DACH2: variants seen among roughly 807,000 people sequenced by gnomAD.
The protein encoded by DACH2 is dachshund homolog 2.
In DACH2, 17 loss-of-function variants were observed where a neutral mutation model predicts 35.8. That is an observed-to-expected ratio of 0.48 (90% CI 0.33 to 0.71). DACH2 has a LOEUF of 0.71. Among genes scored for constraint, DACH2 ranks in the 30% least tolerant of loss-of-function variants. DACH2 has a pLI of 0.02. For missense variants in DACH2, 469 were observed against 472.7 expected (o/e 0.99, Z 0.07); for synonymous variants, 195 against 177.3 (o/e 1.10, Z -0.79).
At chrX:86,200,530 C>T (rs1298336916) in intron 1 of DACH2, among the ~76,000 whole-genome samples, 2 of 107,027 alleles carry the variant, frequency 1.9e-5, no homozygotes, top group African/African-American at 6.8e-5. Flanking sequence ...AACAATGTGT[C>T]TGACAATTGT....
At chrX:86,574,916 A>C (rs1242026581) in intron 3 of DACH2, among the ~76,000 whole-genome samples, 1 of 111,801 alleles carries the variant, frequency 8.9e-6, no homozygotes, top group Non-Finnish European at 1.9e-5. Context: ...GCTCATGGGC[A>C]TATATGAAAT....
At chrX:86,225,798 C>A (rs780330578) in intron 1 of DACH2, among the ~76,000 whole-genome samples, 51 of 110,985 alleles carry the variant, frequency 4.6e-4, no homozygotes, top group African/African-American at 1.6e-3. Flanking sequence ...TATTGCTTTT[C>A]TTTGAAGGCA....
At chrX:86,452,512 T>C (rs1053049883) in intron 2 of DACH2, among the ~76,000 whole-genome samples, 4 of 111,441 alleles carry the variant, frequency 3.6e-5, no homozygotes, top group Non-Finnish European at 7.5e-5. Flanking sequence ...ACTCGTTATT[T>C]GTCTATGCAG....
At chrX:86,384,343 G>A (rs993801434) in intron 2 of DACH2, among the ~76,000 whole-genome samples, 7 of 111,544 alleles carry the variant, frequency 6.3e-5, no homozygotes, top group African/African-American at 2.3e-4. Context: ...AAATGGAGTT[G>A]ATTCTAAGAC....
At chrX:86,488,266 C>A (rs1474586472) in intron 2 of DACH2, among the ~76,000 whole-genome samples, 1 of 111,419 alleles carries the variant, frequency 9.0e-6, no homozygotes, top group Non-Finnish European at 1.9e-5. Context: ...ATGTGGGTTG[C>A]AATCATGGTT....
At chrX:86,673,117 C>T (rs150114026) in intron 4 of DACH2, among the ~76,000 whole-genome samples, 4,385 of 110,304 alleles carry the variant, frequency 0.04, 222 homozygotes, top group African/African-American at 0.14. Context: ...GGGTGGATCA[C>T]GAGGTCAGGA....
intron 1 of DACH2, among the ~76,000 whole-genome samples, chrX:86,170,490 C>T (rs756009040): frequency 1.8e-5 from 2 of 112,233 alleles, no homozygotes; most frequent in South Asian, 7.5e-4. Context: ...TCAGGTACTA[C>T]AGTCAAAACC....
intron 7 of DACH2, among the ~76,000 whole-genome samples, chrX:86,741,208 T>C (rs780075634): frequency 1.8e-5 from 2 of 111,365 alleles, no homozygotes; most frequent in Non-Finnish European, 3.8e-5. Context: ...CTAGGGAAGG[T>C]TTTAGATTCC....
chrX:86,593,829 CTG>C (rs1360487795), intron 3 of DACH2, among the ~76,000 whole-genome samples: 3 of 110,702 alleles, frequency 2.7e-5, no homozygotes, highest in African/African-American at 9.9e-5. Context: ...ATATTTTTAT[CTG>C]TTTTTTTATT....
At chrX:86,628,485 C>T (rs1040847335) in intron 3 of DACH2, among the ~76,000 whole-genome samples, 6 of 112,250 alleles carry the variant, frequency 5.3e-5, no homozygotes, top group African/African-American at 9.7e-5. Flanking sequence ...ACACTATCCT[C>T]GCTGTTTTCT....
At chrX:86,399,287 G>A (rs1018294410) in intron 2 of DACH2, among the ~76,000 whole-genome samples, 5 of 111,525 alleles carry the variant, frequency 4.5e-5, no homozygotes, top group Non-Finnish European at 9.4e-5. Flanking sequence ...CTGCACATGA[G>A]ATGAGTTTCC....
In DACH2 at chrX:86,610,418, TTTTCTTTC is replaced by T. The variant is rs1158163139; in HGVS notation, c.641-40594_641-40587del. Among the ~76,000 whole-genome samples, 34 of 62,207 alleles carry T rather than the reference TTTTCTTTC, an allele frequency of 5.5e-4. 1 individual carries two copies. Among genetic ancestry groups the T allele is most frequent in the African/African-American group, 2.1e-3 (32 of 15,236 alleles). 54.0% of individuals were successfully genotyped at this position (62,207 alleles called of 115,157 possible). A position where few individuals can be genotyped will look rare whatever the true frequency, so the allele number is the denominator to read the frequency against. On this transcript the variant is annotated intron_variant, in intron 3 of 11. Transcript: ENST00000373125. ...CTTTCTTTCTTTCTTTCTTTCTTTCTTTTCTTTCTTTCTTTCTTTCTTTCTTTCTTTTT... is the reference window on the plus strand; with the variant it reads ...CTTTCTTTCTTTCTTTCTTTCTTTCTTTTCTTTCTTTCTTTCTTTCTTTTT...
chrX:86,545,926 G>C (rs953436566), intron 3 of DACH2, among the ~76,000 whole-genome samples: 4 of 111,655 alleles, frequency 3.6e-5, no homozygotes, highest in Non-Finnish European at 7.5e-5. Context: ...TCTAAACTTT[G>C]TTATTAAATT....
chrX:86,735,821 G>C (rs910685907), intron 6 of DACH2, among the ~76,000 whole-genome samples: 1 of 111,618 alleles, frequency 9.0e-6, no homozygotes, highest in African/African-American at 3.2e-5. Context: ...TTATCAATGA[G>C]TAAAAGTGAT....
chrX:86,275,992 A>T (rs1050310556), intron 1 of DACH2, among the ~76,000 whole-genome samples: 1 of 112,426 alleles, frequency 8.9e-6, no homozygotes, highest in Admixed American at 9.4e-5. Flanking sequence ...AAAATTAGCT[A>T]TTGTAAACAG....
intron 1 of DACH2, among the ~76,000 whole-genome samples, chrX:86,310,177 C>A (rs944726623): frequency 8.9e-6 from 1 of 112,166 alleles, no homozygotes; most frequent in Non-Finnish European, 1.9e-5. Context: ...CACTATGCAA[C>A]CTGTACTGCC....
chrX:86,782,268 T>G (rs954670971), intron 7 of DACH2, among the ~76,000 whole-genome samples: 2 of 111,775 alleles, frequency 1.8e-5, no homozygotes, highest in African/African-American at 6.5e-5. Flanking sequence ...CTACCCAAAG[T>G]AATCTATAAA....
chrX:86,636,789 C>A (rs766745641), intron 3 of DACH2, among the ~76,000 whole-genome samples: 4 of 110,156 alleles, frequency 3.6e-5, no homozygotes, highest in Non-Finnish European at 7.6e-5. Flanking sequence ...CCATTCTGGA[C>A]AAAGGAATGG....
chrX:86,756,189 T>C (rs1270258219), intron 7 of DACH2, among the ~76,000 whole-genome samples: 4 of 111,641 alleles, frequency 3.6e-5, no homozygotes, highest in African/African-American at 1.3e-4. Flanking sequence ...CCATGTTCAT[T>C]CTTTTTGCTC....
Sources: gnomAD v4.1 joint callset for allele counts (sites outside exome capture counted in the v4.1 genomes callset) on GRCh38, gnomAD v4.1.1 for gene constraint, MANE v1.5 for transcripts, NCBI Gene and HGNC (gene_info 2026-07-23, HGNC 2026-07-21) for gene names.